DNAH5: variants seen among roughly 807,000 people sequenced by gnomAD.
The protein encoded by DNAH5 is axonemal beta dynein heavy chain 5.
A neutral mutation model predicts 518.2 loss-of-function variants in DNAH5; 372 were observed. The observed-to-expected ratio is 0.72, with a 90% confidence interval of 0.66 to 0.78. DNAH5 has a LOEUF of 0.78. Ranked by LOEUF, DNAH5 falls within the 30% of genes least tolerant of loss-of-function variation. The pLI, the probability that DNAH5 is intolerant of heterozygous loss-of-function variation, is 0.00. For missense variants in DNAH5, 5,523 were observed against 5,687.0 expected, an observed-to-expected ratio of 0.97 and a Z score of 0.93; for synonymous variants, 2,039 against 2,025.9, an observed-to-expected ratio of 1.01 and a Z score of -0.17.
intron 57 of DNAH5, 66 bp downstream of exon 57, chr5:13,769,435 A>G (rs1036074664): frequency 2.4e-6 from 3 of 1,262,184 alleles, no homozygotes; most frequent in Non-Finnish European, 3.5e-6. Context: ...GAATATGCAT[A>G]GATCATTAAC....
At chr5:13,814,890 T>C in intron 42 of DNAH5, 44 bp from the exon 43 acceptor site, 1 of 1,583,546 alleles carries the variant, frequency 6.3e-7, no homozygotes, top group South Asian at 1.1e-5. Flanking sequence ...CATACACTCA[T>C]GCAGTGCATG....
At chr5:13,997,847 ATTT>A (rs570297298) in intron 1 of DNAH5, among the ~76,000 whole-genome samples, 1 of 144,406 alleles carries the variant, frequency 6.9e-6, no homozygotes. Context: ...TCACAATTCT[ATTT>A]TTTTTTTTTT....
Position 13,753,299 on chromosome 5 carries a change from C to T in DNAH5, c.10806G>A (p.Leu3602=), listed in dbSNP as rs751153837. The T allele has an allele frequency of 3.1e-6, 5 of 1,613,906 alleles. No homozygotes were observed. The South Asian group carries it at 5.5e-5, about 18-fold the overall frequency. ...TGCCTTGAGTCTGTGGATCAATTAA[C>T]AAAGGGTAACGAGATGCCTTCGTGA... is the stretch of plus-strand genomic sequence containing the variant. The part of the protein sequence containing the change: ...IIVTKASRYP[L]LIDPQTQGKI... Residue 3602 remains leucine, a synonymous_variant, in exon 63 of 79, where the codon TTG becomes TTA. Coordinates refer to ENST00000265104, the MANE Select transcript of DNAH5 (RefSeq NM_001369.3).
At chr5:13,798,336 T>A (rs1414627658) in intron 47 of DNAH5, among the ~76,000 whole-genome samples, 1 of 152,196 alleles carries the variant, frequency 6.6e-6, no homozygotes, top group Non-Finnish European at 1.5e-5. Flanking sequence ...GGGAATCAAT[T>A]GTCTTTCAAA....
intron 2 of DNAH5, 108 bp downstream of exon 2, chr5:13,931,002 G>C (rs546009562): frequency 3.9e-6 from 6 of 1,553,664 alleles, no homozygotes; most frequent in Non-Finnish European, 5.3e-6. Context: ...TCCACGTTAA[G>C]ACAGGCACCT....
chr5:13,721,073 T>A lies in DNAH5; in HGVS notation c.12206A>T (p.Glu4069Val), dbSNP rs770252526. The change falls in exon 71 of 79, where the codon GAA (glutamate) becomes GTA (valine). Residue 4069 changes from glutamate to valine, a missense_variant. Physicochemically the swap from Glu to Val is moderately radical, Grantham distance 121. Around this residue, in one of 3 missense-constraint regions of DNAH5, gnomAD observed 5,121 missense variants for 5,223.3 expected, o/e 0.98. Transcript: ENST00000265104. ...CTGGCCCATGGACACATAACGGGTT[T>A]CTATTTTTAATCTCTTCCCCAAGGC... Reference protein sequence around the residue: ...IIALGKRLKIETRYVSMGQGQ... With the variant: ...IIALGKRLKIVTRYVSMGQGQ... The A allele has an allele frequency of 6.2e-7, 1 of 1,614,128 alleles. No homozygotes were observed. The highest frequency in any genetic ancestry group is 2.2e-5 in the East Asian group (1 of 44,874).
At chr5:13,774,905 T>C (rs1334699442) in intron 55 of DNAH5, among the ~76,000 whole-genome samples, 1 of 152,184 alleles carries the variant, frequency 6.6e-6, no homozygotes, top group Non-Finnish European at 1.5e-5. Context: ...TCACCTGAAA[T>C]TGTTATTTCC....
intron 77 of DNAH5, 68 bp downstream of exon 77, chr5:13,701,216 C>CAT (rs1742064127): frequency 6.2e-7 from 1 of 1,600,104 alleles, no homozygotes; most frequent in Non-Finnish European, 8.6e-7. Context: ...GTCTTTAAAA[C>CAT]TATAATGATG....
At chr5:13,802,080 T>A (rs2126963898) in intron 47 of DNAH5, among the ~76,000 whole-genome samples, 1 of 152,112 alleles carries the variant, frequency 6.6e-6, no homozygotes, top group Non-Finnish European at 1.5e-5. Context: ...AAAAAAAAAA[T>A]TAAGTCTCTA....
At chr5:13,837,692 CTTTTTTTTTTTT>C (rs534618242) in intron 35 of DNAH5, among the ~76,000 whole-genome samples, 1 of 95,108 alleles carries the variant, frequency 1.1e-5, no homozygotes, top group African/African-American at 4.1e-5. Context: ...GGGAACTCCA[CTTTTTTTTTTTT>C]TTTTTTTTTT....
At chr5:13,952,137 T>TACCATCAC (rs1780464549) in intron 1 of DNAH5, among the ~76,000 whole-genome samples, 3 of 1,182 alleles carry the variant, frequency 2.5e-3, no homozygotes, top group South Asian at 0.029. Context: ...ATTAATTAAC[T>TACCATCAC]AGAGGGATCT....
At chr5:13,981,434 C>T (rs1348868453) in intron 1 of DNAH5, among the ~76,000 whole-genome samples, 3 of 152,196 alleles carry the variant, frequency 2.0e-5, no homozygotes, top group Admixed American at 2.0e-4. Flanking sequence ...GTCAGTTATT[C>T]CTCATGCCTC....
At chr5:13,843,575 T>G (rs1216039965) in intron 32 of DNAH5, among the ~76,000 whole-genome samples, 2 of 152,170 alleles carry the variant, frequency 1.3e-5, no homozygotes, top group African/African-American at 2.4e-5. Context: ...TCCAGAACTT[T>G]GAGAGAATAC....
At chr5:13,826,649 G>T (rs1762927805) in intron 38 of DNAH5, among the ~76,000 whole-genome samples, 1 of 152,238 alleles carries the variant, frequency 6.6e-6, no homozygotes, top group Non-Finnish European at 1.5e-5. Context: ...CAGCCATGCT[G>T]AAGTGTGATT....
intron 1 of DNAH5, among the ~76,000 whole-genome samples, chr5:14,005,425 C>T (rs1784653741): frequency 6.6e-6 from 1 of 152,190 alleles, no homozygotes; most frequent in South Asian, 2.1e-4. Context: ...TCCTCAACAT[C>T]ACAGGAACAC....
intron 1 of DNAH5, among the ~76,000 whole-genome samples, chr5:13,960,786 G>A (rs577640227): frequency 3.7e-4 from 56 of 152,284 alleles, no homozygotes; most frequent in Non-Finnish European, 2.9e-5. Context: ...TACTCCACAC[G>A]CACCATGCCT....
chr5:13,754,204 T>A lies in DNAH5; in HGVS notation c.10554A>T (p.Val3518=), dbSNP rs1336785905. 1 of 1,614,082 alleles carries A rather than the reference T, an allele frequency of 6.2e-7. No individual in the cohort carries two copies. Among genetic ancestry groups the A allele is most frequent in the Non-Finnish European group, 8.5e-7 (1 of 1,179,944 alleles). Reference sequence around the variant, plus strand: ...TCATTAATAAAGAAATTTACATACCTACAAGTCTTTTAGTTTGTGCAGCAA... The same window carrying A: ...TCATTAATAAAGAAATTTACATACCAACAAGTCTTTTAGTTTGTGCAGCAA... ...QEFAAQTKRL[V]GDVLLATAFL... Residue 3518 remains valine, a splice_region_variant and synonymous_variant, in exon 62 of 79, where the codon GTA becomes GTT. Transcript: ENST00000265104.
In DNAH5 at chr5:13,957,357, G is replaced by A. The variant is rs184564968; in HGVS notation, c.13-26113C>T. ...CCCATGTCTCATGAGTACATCAAAG[G>A]TTATCAATTATTTACACTTATTGTC... On this transcript the variant is annotated intron_variant, in intron 1 of 78. Coordinates refer to the DNAH5 transcript ENST00000681290. 1.6e-4 allele frequency among the ~76,000 whole-genome samples: 25 copies of A among 152,204 alleles called. No individual in the cohort carries two copies. In the East Asian group the frequency reaches 4.2e-3, roughly 26 times the overall value.
intron 43 of DNAH5, among the ~76,000 whole-genome samples, chr5:13,814,254 T>G (rs752244136): frequency 6.6e-6 from 1 of 152,234 alleles, no homozygotes; most frequent in Non-Finnish European, 1.5e-5. Context: ...AAACTTTATG[T>G]GAATGTGTAC....
Sources: gnomAD v4.1 joint callset for allele counts (sites outside exome capture counted in the v4.1 genomes callset) on GRCh38, gnomAD v4.1.1 for gene constraint, gnomAD v4.1.1 regional missense constraint, MANE v1.5 for transcripts, NCBI Gene and HGNC (gene_info 2026-07-23, HGNC 2026-07-21) for gene names.